Variants in RASA3 observed in about 807,000 individuals in gnomAD.
RASA3 encodes the protein ras GTPase-activating protein 3.
In RASA3, 73 loss-of-function variants were observed where a neutral mutation model predicts 110.0. The ratio of observed to expected loss-of-function variants is 0.66; its 90% CI spans 0.55 to 0.81. The LOEUF (loss-of-function observed/expected upper bound fraction) is 0.81. RASA3 is among the 30% of genes least tolerant of loss of function. The probability of loss-of-function intolerance (pLI) is 0.00; values close to 1 mark genes in which losing one functional copy is unlikely to be tolerated. For missense variants in RASA3, 976 were observed against 1,113.2 expected (o/e 0.88, Z 1.75); for synonymous variants, 500 against 451.4 (o/e 1.11, Z -1.37).
At position 114,065,279 on chromosome 13, in the gene RASA3, A is replaced by G. The variant is rs1296506557; in HGVS notation, c.173+8441T>C. Among the ~76,000 whole-genome samples, 3 of 152,358 alleles carry G rather than the reference A, an allele frequency of 2.0e-5. No homozygotes were observed. The highest frequency in any genetic ancestry group is 1.9e-4 in the East Asian group (1 of 5,184). On this transcript the variant is annotated intron_variant, in intron 2 of 23. Coordinates refer to ENST00000334062, the MANE Select transcript of RASA3 (RefSeq NM_007368.4). This position sits in a 1 kb window ranked among gnomAD's most constrained non-coding sequence, Gnocchi z 4.1. ...CTGCGGCTGCTCCCATCACGTGATCATAAGAAAATAAACCTGGTTTCCCAG... is the reference window on the plus strand; with the variant it reads ...CTGCGGCTGCTCCCATCACGTGATCGTAAGAAAATAAACCTGGTTTCCCAG...
chr13:114,115,726 T>C lies in RASA3; in HGVS notation c.55+16709A>G, dbSNP rs1245561147. On this transcript the variant is annotated intron_variant, in intron 1 of 23. Coordinates refer to ENST00000334062, the MANE Select transcript of RASA3 (RefSeq NM_007368.4). This position sits in a 1 kb window ranked among gnomAD's most constrained non-coding sequence, Gnocchi z 5.0. ...CCAGAGGTCAGAAACAGCCGCAGTCTCCTACCTCTATTGCTTCTCAAGGGA... is the reference window on the plus strand; with the variant it reads ...CCAGAGGTCAGAAACAGCCGCAGTCCCCTACCTCTATTGCTTCTCAAGGGA... Among the ~76,000 whole-genome samples, 1 of 152,158 alleles carries C rather than the reference T, an allele frequency of 6.6e-6. No individual in the cohort carries two copies. The highest frequency in any genetic ancestry group is 2.4e-5 in the African/African-American group (1 of 41,432).
At position 114,089,287 on chromosome 13, in the gene RASA3, C is replaced by G. The variant is rs930329116; in HGVS notation, c.56-15450G>C. On this transcript the variant is annotated intron_variant, in intron 1 of 23. Transcript: ENST00000334062. ...GGAGACGAGGGGAGACGAGGGGAGACGAGCGGGGAGGAGGGGGGGAGGAGG... is the reference window on the plus strand; with the variant it reads ...GGAGACGAGGGGAGACGAGGGGAGAGGAGCGGGGAGGAGGGGGGGAGGAGG... Among the ~76,000 whole-genome samples the G allele has an allele frequency of 1.5e-4, 13 of 87,114 alleles. No homozygotes were observed. The East Asian group carries it at 3.7e-3, about 25-fold the overall frequency. 57.2% of individuals were successfully genotyped at this position (87,114 alleles called of 152,430 possible). A position where few individuals can be genotyped will look rare whatever the true frequency, so the allele number is the denominator to read the frequency against.
intron 1 of RASA3, chr13:114,078,039 A>G (rs1042669687): frequency 2.1e-6 from 2 of 971,208 alleles, no homozygotes; most frequent in Admixed American, 1.2e-4. Context: ...TGCTATGACG[A>G]CAGCAACACC....
At chr13:114,000,529 G>A (rs748692481) in intron 19 of RASA3, among the ~76,000 whole-genome samples, 13 of 152,188 alleles carry the variant, frequency 8.5e-5, no homozygotes, top group Non-Finnish European at 1.3e-4. Context: ...ATGACGAGGC[G>A]ACCAGAGGAG....
Position 114,081,397 on chromosome 13 carries a change from A to G in RASA3, c.56-7560T>C, listed in dbSNP as rs574559518. 2.6e-5 allele frequency among the ~76,000 whole-genome samples: 4 copies of G among 152,320 alleles called. No individual in the cohort carries two copies. In the South Asian group the frequency reaches 8.3e-4, roughly 32 times the overall value. ...ACTCTCAAGGCGCGGGGGCCGCATCACCCAGCACTCTGGAAATGCTGTCCG... is the reference window on the plus strand; with the variant it reads ...ACTCTCAAGGCGCGGGGGCCGCATCGCCCAGCACTCTGGAAATGCTGTCCG... On this transcript the variant is annotated intron_variant, in intron 1 of 23. Coordinates refer to ENST00000334062, the MANE Select transcript of RASA3 (RefSeq NM_007368.4).
At chr13:114,079,490 A>T (rs1007394776) in intron 1 of RASA3, among the ~76,000 whole-genome samples, 3 of 152,256 alleles carry the variant, frequency 2.0e-5, no homozygotes, top group Non-Finnish European at 4.4e-5. Context: ...TGCTAGGCAC[A>T]CAGCGTCTTC....
At chr13:114,052,202 C>G in intron 2 of RASA3, 47 bp from the exon 3 acceptor site, 2 of 1,326,166 alleles carry the variant, frequency 1.5e-6, no homozygotes, top group East Asian at 4.6e-5. Context: ...GCCACGCTTG[C>G]GCCTCACCCC....
At chr13:114,092,851 G>A (rs552694463) in intron 1 of RASA3, among the ~76,000 whole-genome samples, 1 of 152,226 alleles carries the variant, frequency 6.6e-6, no homozygotes, top group African/African-American at 2.4e-5. Context: ...CTCTGGTACT[G>A]GGTGCATATA....
chr13:114,033,214 C>G (rs2054210222), intron 4 of RASA3, among the ~76,000 whole-genome samples: 1 of 101,116 alleles, frequency 9.9e-6, no homozygotes, highest in Non-Finnish European at 2.0e-5. Flanking sequence ...CGCCCCACAG[C>G]ACCCCCACAC....
At chr13:114,055,888 G>A (rs912189210) in intron 2 of RASA3, among the ~76,000 whole-genome samples, 12 of 152,250 alleles carry the variant, frequency 7.9e-5, no homozygotes, top group African/African-American at 2.4e-4. Flanking sequence ...CGGCAAATGC[G>A]TAACCAAAAG....
chr13:114,014,119 TCTCC>T lies in RASA3; in HGVS notation c.1406-875_1406-872del, dbSNP rs2053737385. On this transcript the variant is annotated intron_variant, in intron 14 of 23. Transcript: ENST00000334062. This position sits in a 1 kb window ranked among gnomAD's most constrained non-coding sequence, Gnocchi z 4.5. The stretch of plus-strand genomic sequence containing the variant: ...CCGTCTCTCCCTGTCTCTCTCTCTC[TCTCC>T]TTGTCTCTCTCTGTCTCTCTCCTTC... Among the ~76,000 whole-genome samples, 1 of 150,840 alleles carries T rather than the reference TCTCC, an allele frequency of 6.6e-6. No homozygotes were observed. Among genetic ancestry groups the T allele is most frequent in the Non-Finnish European group, 1.5e-5 (1 of 67,906 alleles).
intron 1 of RASA3, among the ~76,000 whole-genome samples, chr13:114,090,572 C>T (rs1042338436): frequency 3.9e-5 from 6 of 152,338 alleles, no homozygotes; most frequent in African/African-American, 1.4e-4. Flanking sequence ...GGCTTGCCCC[C>T]TGAGCTCATC....
intron 2 of RASA3, among the ~76,000 whole-genome samples, chr13:114,058,818 T>C (rs1010308058): frequency 6.6e-6 from 1 of 152,212 alleles, no homozygotes; most frequent in Non-Finnish European, 1.5e-5. Context: ...CTGAAACTTA[T>C]ATCCCAATGA....
At chr13:113,994,949 G>A (rs1023350253) in intron 21 of RASA3, among the ~76,000 whole-genome samples, 3 of 152,188 alleles carry the variant, frequency 2.0e-5, no homozygotes, top group Non-Finnish European at 4.4e-5. Context: ...ACTCCAGCCC[G>A]GGTGACAGAA....
chr13:114,016,327 G>C (rs958989065), intron 12 of RASA3, 56 bp from the exon 13 acceptor site: 16 of 1,320,864 alleles, frequency 1.2e-5, no homozygotes, highest in Admixed American at 5.1e-5. Context: ...CACAGGCAGG[G>C]AGGGTGGAAG....
chr13:114,091,370 C>G (rs925460491), intron 1 of RASA3, among the ~76,000 whole-genome samples: 1 of 152,006 alleles, frequency 6.6e-6, no homozygotes, highest in Admixed American at 6.6e-5. Flanking sequence ...TCAACAGGCT[C>G]TACCATTTTG....
intron 21 of RASA3, among the ~76,000 whole-genome samples, chr13:113,995,121 C>T (rs2053201912): frequency 1.3e-5 from 2 of 152,352 alleles, no homozygotes; most frequent in South Asian, 2.1e-4. Context: ...TGAGCAAACT[C>T]GGCAGACGTG....
intron 4 of RASA3, among the ~76,000 whole-genome samples, chr13:114,039,229 C>G (rs2054342985): frequency 6.6e-6 from 1 of 152,086 alleles, no homozygotes; most frequent in Non-Finnish European, 1.5e-5. Context: ...TACTCAGACA[C>G]TCACCCTCCT....
chr13:114,058,871 C>G (rs932454309), intron 2 of RASA3, among the ~76,000 whole-genome samples: 1 of 152,174 alleles, frequency 6.6e-6, no homozygotes, highest in African/African-American at 2.4e-5. Flanking sequence ...AGGCCAGAGC[C>G]TTTTTCGAAG....
Sources: allele counts gnomAD v4.1 joint callset (sites outside exome capture counted in the v4.1 genomes callset), GRCh38; gene constraint gnomAD v4.1.1; non-coding constraint Gnocchi (gnomAD v3.1); transcripts MANE v1.5; gene names NCBI Gene and HGNC (gene_info 2026-07-23, HGNC 2026-07-21).